GLIS3: variants seen among roughly 807,000 people sequenced by gnomAD.
GLIS3 encodes the protein GLIS family zinc finger 3.
Under a neutral mutation model 78.6 loss-of-function variants are expected in GLIS3, and 53 were observed. The observed-to-expected ratio is 0.67, with a 90% CI of 0.54 to 0.85. The LOEUF (loss-of-function observed/expected upper bound fraction) is 0.85, where lower values mean the gene tolerates loss of function less well. GLIS3 is among the 40% of genes least tolerant of loss of function. The pLI is 0.00. For synonymous variants in GLIS3, 684 were observed against 509.9 expected (o/e 1.34, Z -4.60); for missense variants, 1,703 against 1,231.1 (o/e 1.38, Z -5.74).
chr9:4,167,649 G>C (rs1815985657), intron 2 of GLIS3, among the ~76,000 whole-genome samples: 1 of 152,152 alleles, frequency 6.6e-6, no homozygotes, highest in Non-Finnish European at 1.5e-5. Flanking sequence ...CTTATTCAAG[G>C]TGTACACGTT....
intron 6 of GLIS3, among the ~76,000 whole-genome samples, chr9:3,929,497 A>T (rs1825482232): frequency 6.6e-6 from 1 of 152,120 alleles, no homozygotes. Flanking sequence ...TCCTCACATG[A>T]ATTTATCTAT....
chr9:4,191,091 A>G (rs889749990), intron 2 of GLIS3, among the ~76,000 whole-genome samples: 2 of 151,868 alleles, frequency 1.3e-5, no homozygotes, highest in Non-Finnish European at 2.9e-5. Flanking sequence ...GCCAAAATGT[A>G]AATACCATCG....
chr9:4,231,516 T>C (rs1242038128), intron 2 of GLIS3, among the ~76,000 whole-genome samples: 4 of 152,138 alleles, frequency 2.6e-5, no homozygotes, highest in African/African-American at 9.7e-5. Flanking sequence ...AAAAAGTCCT[T>C]AGATAGAAAG....
At chr9:4,336,734 G>A (rs1817763379) in intron 2 of GLIS3, among the ~76,000 whole-genome samples, 1 of 152,186 alleles carries the variant, frequency 6.6e-6, no homozygotes, top group Non-Finnish European at 1.5e-5. Context: ...CTGCTCCAGA[G>A]CTCATGTCCC....
chr9:3,849,336 C>T (rs1470522683), intron 9 of GLIS3, among the ~76,000 whole-genome samples: 2 of 152,292 alleles, frequency 1.3e-5, no homozygotes, highest in Admixed American at 6.5e-5. Flanking sequence ...AAACTGTGAA[C>T]GGAATCTCCG....
In GLIS3 at chr9:3,967,040, A is replaced by AAAAAG. The variant is rs1226736845; in HGVS notation, c.1711-29852_1711-29851insCTTTT. ...AAAAAAAAAAAAAAAAAAACAAAAA[A>AAAAAG]ACATTTTGAGGATTTCTCAATCAGG... On this transcript the variant is annotated intron_variant, in intron 4 of 10. Coordinates refer to ENST00000381971, the MANE Select transcript of GLIS3 (RefSeq NM_001042413.2). Among the ~76,000 whole-genome samples, 980 of 129,670 alleles carry AAAAAG rather than the reference A, an allele frequency of 7.6e-3. 98 individuals carry two copies. Among genetic ancestry groups the AAAAAG allele is most frequent in the Middle Eastern group, 0.013 (3 of 224 alleles). The allele number at this position is 129,670 out of a possible 152,430, so 85.1% of individuals were successfully genotyped here.
At chr9:4,351,604 G>A (rs1273490055), upstream of GLIS3, among the ~76,000 whole-genome samples, 18 of 152,100 alleles carry the variant, frequency 1.2e-4, no homozygotes, top group Middle Eastern at 6.8e-3. Context: ...AATTTTCATG[G>A]GCAAAAAGAG....
At chr9:4,222,186 G>C in intron 2 of GLIS3, among the ~76,000 whole-genome samples, 1 of 152,172 alleles carries the variant, frequency 6.6e-6, no homozygotes, top group Admixed American at 6.5e-5. Flanking sequence ...TAAGCTCTAA[G>C]TGCTGTACAG....
intron 4 of GLIS3, among the ~76,000 whole-genome samples, chr9:4,107,225 G>T (rs186880128): frequency 1.3e-5 from 2 of 152,228 alleles, no homozygotes; most frequent in African/African-American, 4.8e-5. Flanking sequence ...GAAGCAGGGG[G>T]CACTTCTAGT....
At chr9:4,004,217 A>G (rs1007360049) in intron 4 of GLIS3, among the ~76,000 whole-genome samples, 2 of 152,188 alleles carry the variant, frequency 1.3e-5, no homozygotes, top group Admixed American at 1.3e-4. Flanking sequence ...AATATGAGGA[A>G]AACAACTCCT....
chr9:3,898,233 C>T, intron 7 of GLIS3: 1 of 233,312 alleles, frequency 4.3e-6, no homozygotes, highest in Non-Finnish European at 8.6e-6. Context: ...CAATGGTTGG[C>T]AAACATGAAT....
At chr9:4,418,527 C>T in the GLIS3 span, among the ~76,000 whole-genome samples, 1 of 152,048 alleles carries the variant, frequency 6.6e-6, no homozygotes, top group South Asian at 2.1e-4. Flanking sequence ...GGTGAAGCCC[C>T]GTGTCTACTA....
chr9:4,466,356 T>A, the GLIS3 span, among the ~76,000 whole-genome samples: 1 of 152,206 alleles, frequency 6.6e-6, no homozygotes. Flanking sequence ...GCTTCACTGA[T>A]GAATTCTACC....
chr9:4,401,717 A>G, the GLIS3 span, among the ~76,000 whole-genome samples: 1 of 151,658 alleles, frequency 6.6e-6, no homozygotes, highest in Admixed American at 6.6e-5. Flanking sequence ...TCAGCCTCCC[A>G]AGTAGCTGGG....
At chr9:4,198,941 G>A (rs1819113826) in intron 2 of GLIS3, among the ~76,000 whole-genome samples, 1 of 152,126 alleles carries the variant, frequency 6.6e-6, no homozygotes, top group Non-Finnish European at 1.5e-5. Context: ...TTCCAGCCAA[G>A]AATTTCATAT....
chr9:4,259,916 T>C (rs1825346942), intron 2 of GLIS3, among the ~76,000 whole-genome samples: 1 of 152,252 alleles, frequency 6.6e-6, no homozygotes, highest in South Asian at 2.1e-4. Flanking sequence ...AAGGACCTAC[T>C]TATGCTCTTA....
Position 3,826,081 on chromosome 9 carries a change from C to T in GLIS3, c.*2191G>A, listed in dbSNP as rs3739618. ...ATGGTTTCTAAAGTTGAGCTTCTGT[C>T]TTGTCCTCCTTCCCCCTTTCTATTT... On this transcript the variant is annotated 3_prime_UTR_variant, in exon 11 of 11. Transcript: ENST00000381971. 0.21 allele frequency: 31,589 copies of T among 152,158 alleles called. 3,478 individuals are homozygous for T. Among genetic ancestry groups the T allele is most frequent in the East Asian group, 0.31 (1,623 of 5,174 alleles). The allele number at this position is 152,158 out of a possible 1,614,324, so 9.4% of individuals were successfully genotyped here. A position where few individuals can be genotyped will look rare whatever the true frequency, so the allele number is the denominator to read the frequency against.
At chr9:4,252,279 T>C (rs1824474185) in intron 2 of GLIS3, among the ~76,000 whole-genome samples, 1 of 152,170 alleles carries the variant, frequency 6.6e-6, no homozygotes, top group Non-Finnish European at 1.5e-5. Context: ...CATAGTCCCA[T>C]ATTTCTTGGA....
chr9:4,198,861 C>G (rs1378196833), intron 2 of GLIS3, among the ~76,000 whole-genome samples: 1 of 152,200 alleles, frequency 6.6e-6, no homozygotes, highest in Non-Finnish European at 1.5e-5. Context: ...TAACAGCAAA[C>G]TTCTCAGCAG....
Sources: allele counts gnomAD v4.1 joint callset (sites outside exome capture counted in the v4.1 genomes callset), GRCh38; gene constraint gnomAD v4.1.1; transcripts MANE v1.5; gene names NCBI Gene and HGNC (gene_info 2026-07-23, HGNC 2026-07-21).